KLF12: variants seen among roughly 807,000 people sequenced by gnomAD.
KLF12 encodes the protein KLF transcription factor 12.
Under a neutral mutation model 37.8 loss-of-function variants are expected in KLF12, and 9 were observed. That is an observed-to-expected ratio of 0.24 (90% confidence interval 0.14 to 0.42). KLF12 has a LOEUF of 0.42. Ranked by LOEUF, KLF12 falls within the 10% of genes least tolerant of loss-of-function variation. The pLI, the probability that KLF12 is intolerant of heterozygous loss-of-function variation, is 1.00. For synonymous variants in KLF12, 208 were observed against 202.1 expected (o/e 1.03, Z -0.25); for missense variants, 411 against 516.0 (o/e 0.80, Z 1.97).
intron 1 of KLF12, among the ~76,000 whole-genome samples, chr13:74,098,253 T>G (rs527617293): frequency 6.6e-6 from 1 of 152,202 alleles, no homozygotes; most frequent in Admixed American, 6.5e-5. Context: ...GAACATTGCA[T>G]GCACTTTTAT....
At chr13:74,076,753 CCCAGCA>C (rs1874586784) in intron 1 of KLF12, among the ~76,000 whole-genome samples, 1 of 152,082 alleles carries the variant, frequency 6.6e-6, no homozygotes, top group Admixed American at 6.5e-5. Flanking sequence ...AGGTATTAAG[CCCAGCA>C]CCCAATAGTT....
intron 5 of KLF12, among the ~76,000 whole-genome samples, chr13:73,781,913 G>C (rs1880991750): frequency 6.6e-6 from 1 of 152,066 alleles, no homozygotes; most frequent in African/African-American, 2.4e-5. Flanking sequence ...CTTGCCCTGG[G>C]AATTTAAGAA....
At chr13:73,739,441 A>G (rs991919489) in intron 6 of KLF12, among the ~76,000 whole-genome samples, 6 of 152,228 alleles carry the variant, frequency 3.9e-5, no homozygotes, top group Non-Finnish European at 7.4e-5. Context: ...GTTTACCTCA[A>G]GGGAAATTGC....
intron 7 of KLF12, among the ~76,000 whole-genome samples, chr13:73,714,928 G>GT (rs1314181572): frequency 1.3e-5 from 2 of 152,024 alleles, no homozygotes; most frequent in African/African-American, 4.8e-5. Context: ...ACAATGCTAC[G>GT]TATCTGTCAT....
chr13:74,044,497 G>C (rs748461541), intron 1 of KLF12, among the ~76,000 whole-genome samples: 6 of 151,996 alleles, frequency 3.9e-5, no homozygotes, highest in African/African-American at 1.5e-4. Flanking sequence ...AAAAAAAAAT[G>C]TTTGACATAC....
At chr13:74,282,143 C>G in the KLF12 span, among the ~76,000 whole-genome samples, 1 of 152,164 alleles carries the variant, frequency 6.6e-6, no homozygotes, top group East Asian at 1.9e-4. Flanking sequence ...CTAGTGGCAA[C>G]AAGCTCCAGG....
At chr13:73,902,136 A>G (rs1888069134) in intron 3 of KLF12, among the ~76,000 whole-genome samples, 1 of 152,246 alleles carries the variant, frequency 6.6e-6, no homozygotes, top group Non-Finnish European at 1.5e-5. Flanking sequence ...GGAAAAGAAC[A>G]AAAGTGTAAT....
chr13:73,967,817 T>C (rs895631418), intron 2 of KLF12, among the ~76,000 whole-genome samples: 9 of 152,152 alleles, frequency 5.9e-5, no homozygotes, highest in Non-Finnish European at 8.8e-5. Context: ...ATAAGTTAAC[T>C]TTTTCCTGAT....
At chr13:74,263,712 C>T in the KLF12 span, among the ~76,000 whole-genome samples, 2 of 152,146 alleles carry the variant, frequency 1.3e-5, no homozygotes, top group African/African-American at 2.4e-5. Flanking sequence ...TGCACTCCAG[C>T]CTGGCGACAG....
At chr13:74,136,495 G>GT (rs1878559050), upstream of KLF12, among the ~76,000 whole-genome samples, 2 of 152,218 alleles carry the variant, frequency 1.3e-5, no homozygotes, top group South Asian at 4.1e-4. Context: ...GAGTTTCACT[G>GT]TAAGGGTGGA....
chr13:73,818,084 G>A (rs956934821), intron 4 of KLF12, among the ~76,000 whole-genome samples: 1 of 152,246 alleles, frequency 6.6e-6, no homozygotes, highest in Non-Finnish European at 1.5e-5. Context: ...TCAGTATTGT[G>A]CAGCTAAGGT....
chr13:74,235,476 T>G, the KLF12 span, among the ~76,000 whole-genome samples: 3 of 152,284 alleles, frequency 2.0e-5, no homozygotes, highest in South Asian at 6.2e-4. Context: ...AATTTCCTCA[T>G]TATAATAGAC....
At chr13:73,763,179 T>C (rs1470679783) in intron 6 of KLF12, among the ~76,000 whole-genome samples, 1 of 151,942 alleles carries the variant, frequency 6.6e-6, no homozygotes, top group Non-Finnish European at 1.5e-5. Flanking sequence ...CTCAAATTAG[T>C]CTTAAATAAA....
the KLF12 span, among the ~76,000 whole-genome samples, chr13:74,209,493 A>G: frequency 4.2e-4 from 63 of 151,052 alleles, no homozygotes; most frequent in East Asian, 0.012. Context: ...AAATTTTTGT[A>G]TAAAAGAATG....
At chr13:74,224,952 T>C in the KLF12 span, among the ~76,000 whole-genome samples, 2 of 152,160 alleles carry the variant, frequency 1.3e-5, no homozygotes, top group Admixed American at 6.6e-5. Flanking sequence ...CATTTTGATG[T>C]TGTCTTCAAA....
chr13:74,038,243 G>C (rs1208040229), intron 1 of KLF12, among the ~76,000 whole-genome samples: 4 of 152,192 alleles, frequency 2.6e-5, no homozygotes, highest in Admixed American at 2.6e-4. Flanking sequence ...AATGGGAGGG[G>C]GAATTCCTGT....
chr13:73,728,785 A>G (rs1165808753), intron 6 of KLF12, among the ~76,000 whole-genome samples: 1 of 152,092 alleles, frequency 6.6e-6, no homozygotes, highest in Non-Finnish European at 1.5e-5. Flanking sequence ...TCCTTTTTAT[A>G]TGTTGCTGGA....
intron 1 of KLF12, among the ~76,000 whole-genome samples, chr13:74,060,387 T>C (rs1873499946): frequency 1.3e-5 from 2 of 152,078 alleles, no homozygotes; most frequent in African/African-American, 4.8e-5. Flanking sequence ...TCCAATCCAT[T>C]TGTTTGTATC....
the KLF12 span, among the ~76,000 whole-genome samples, chr13:74,248,092 T>C: frequency 1.3e-5 from 2 of 152,324 alleles, no homozygotes; most frequent in East Asian, 1.9e-4. Context: ...GCTTTTTATA[T>C]TGGGGAGGAG....
Sources: allele counts gnomAD v4.1 joint callset (sites outside exome capture counted in the v4.1 genomes callset), GRCh38; gene constraint gnomAD v4.1.1; transcripts MANE v1.5; gene names NCBI Gene and HGNC (gene_info 2026-07-23, HGNC 2026-07-21).